Variants in TMEM132D observed in about 807,000 individuals in gnomAD.
TMEM132D encodes the protein mature OL transmembrane protein.
In TMEM132D, 21 loss-of-function variants were observed where a neutral mutation model predicts 62.3. That is an observed-to-expected ratio of 0.34 (90% CI 0.24 to 0.49). TMEM132D has a LOEUF of 0.49. TMEM132D is among the 20% of genes least tolerant of loss of function. TMEM132D has a pLI of 0.99. For missense variants in TMEM132D, 1,346 were observed against 1,402.8 expected (o/e 0.96, Z 0.65); for synonymous variants, 621 against 575.6 (o/e 1.08, Z -1.13).
At chr12:129,272,554 T>C (rs748379304) in intron 4 of TMEM132D, among the ~76,000 whole-genome samples, 13 of 151,844 alleles carry the variant, frequency 8.6e-5, no homozygotes, top group Non-Finnish European at 1.3e-4. Context: ...ATTAAGAGTA[T>C]TTGCATTTTT....
intron 2 of TMEM132D, among the ~76,000 whole-genome samples, chr12:129,670,342 G>T (rs1316381999): frequency 6.6e-6 from 1 of 152,152 alleles, no homozygotes; most frequent in Non-Finnish European, 1.5e-5. Context: ...ATTATGGTTT[G>T]GGAGTTATGC....
chr12:129,319,883 A>G (rs1868625638), intron 4 of TMEM132D, among the ~76,000 whole-genome samples: 1 of 152,228 alleles, frequency 6.6e-6, no homozygotes, highest in South Asian at 2.1e-4. Context: ...AAAATGCTCT[A>G]TCACAGATCC....
chr12:129,175,290 T>C (rs920850377), intron 5 of TMEM132D, among the ~76,000 whole-genome samples: 2 of 152,162 alleles, frequency 1.3e-5, no homozygotes, highest in African/African-American at 4.8e-5. Context: ...TTTCTGTATA[T>C]GGATGCCCCG....
At chr12:129,860,656 G>A (rs1440523637) in intron 1 of TMEM132D, among the ~76,000 whole-genome samples, 5 of 152,084 alleles carry the variant, frequency 3.3e-5, no homozygotes, top group Middle Eastern at 3.4e-3. Context: ...CCATTCTCAC[G>A]CTGCTATAAA....
At chr12:129,585,363 A>T (rs1369220579) in intron 2 of TMEM132D, among the ~76,000 whole-genome samples, 1 of 152,182 alleles carries the variant, frequency 6.6e-6, no homozygotes, top group Non-Finnish European at 1.5e-5. Flanking sequence ...ACTCAAAACC[A>T]CCCATTTGTT....
intron 1 of TMEM132D, among the ~76,000 whole-genome samples, chr12:129,893,021 C>T (rs767769702): frequency 2.6e-5 from 4 of 152,092 alleles, no homozygotes; most frequent in Non-Finnish European, 5.9e-5. Context: ...GCACTACAGG[C>T]ACATGGCACC....
Position 129,695,766 on chromosome 12 carries a change from G to A in TMEM132D, c.968+4044C>T, listed in dbSNP as rs370520305. On this transcript the variant is annotated intron_variant, in intron 2 of 8. Coordinates refer to ENST00000422113, the MANE Select transcript of TMEM132D (RefSeq NM_133448.3). ...GCATGGAGGTCTCTGCAGCTTATGT[G>A]CGGATAACGAGAGGAACTATTGAAG... 5.9e-5 allele frequency among the ~76,000 whole-genome samples: 9 copies of A among 152,330 alleles called. No homozygotes were observed. In the East Asian group the frequency reaches 7.7e-4, roughly 13 times the overall value.
intron 4 of TMEM132D, among the ~76,000 whole-genome samples, chr12:129,263,807 A>G (rs79577115): frequency 0.02 from 3,002 of 152,126 alleles, 105 homozygotes; most frequent in African/African-American, 0.068. Flanking sequence ...ACCTGCAGTC[A>G]GGGTTCTTCA....
At chr12:129,436,672 G>A (rs1230272715) in intron 3 of TMEM132D, among the ~76,000 whole-genome samples, 1 of 152,280 alleles carries the variant, frequency 6.6e-6, no homozygotes, top group Admixed American at 6.5e-5. Context: ...CACATGAACA[G>A]ATCTCCAAAA....
chr12:129,271,594 T>C (rs1179448454), intron 4 of TMEM132D, among the ~76,000 whole-genome samples: 1 of 151,548 alleles, frequency 6.6e-6, no homozygotes, highest in Admixed American at 6.6e-5. Context: ...CGGTGTATGA[T>C]GTTCCCCTCC....
chr12:129,622,986 A>G (rs961721588), intron 2 of TMEM132D, among the ~76,000 whole-genome samples: 10 of 152,174 alleles, frequency 6.6e-5, no homozygotes, highest in African/African-American at 2.4e-4. Context: ...GAGGTAATGT[A>G]AGTTCATCCG....
chr12:129,095,406 G>C (rs911108118), intron 5 of TMEM132D, among the ~76,000 whole-genome samples: 6 of 146,822 alleles, frequency 4.1e-5, no homozygotes, highest in African/African-American at 1.5e-4. Context: ...CTGGAGTGGA[G>C]TGAAGTGGTG....
chr12:129,227,747 A>T (rs1236341589), intron 4 of TMEM132D, among the ~76,000 whole-genome samples: 1 of 151,542 alleles, frequency 6.6e-6, no homozygotes, highest in Admixed American at 6.6e-5. Context: ...ATCCCTCCCC[A>T]CTACCCCCAC....
chr12:129,253,714 G>A (rs564547537), intron 4 of TMEM132D, among the ~76,000 whole-genome samples: 58 of 152,194 alleles, frequency 3.8e-4, no homozygotes, highest in African/African-American at 1.4e-3. Context: ...TGCTATCTGG[G>A]GGCTGCCTTT....
intron 5 of TMEM132D, among the ~76,000 whole-genome samples, chr12:129,094,214 C>T (rs533536176): frequency 6.6e-6 from 1 of 152,144 alleles, no homozygotes; most frequent in Non-Finnish European, 1.5e-5. Flanking sequence ...TTCTGCACAG[C>T]AAAAGAAACT....
intron 4 of TMEM132D, among the ~76,000 whole-genome samples, chr12:129,226,445 C>T (rs1262169035): frequency 6.6e-6 from 1 of 152,208 alleles, no homozygotes; most frequent in East Asian, 1.9e-4. Context: ...ACCATTTGCC[C>T]CTGTCTGCCG....
chr12:129,413,235 G>C (rs1872021744), intron 3 of TMEM132D, among the ~76,000 whole-genome samples: 1 of 152,102 alleles, frequency 6.6e-6, no homozygotes, highest in South Asian at 2.1e-4. Flanking sequence ...GAATCATGGA[G>C]GCAGTTTCCC....
chr12:129,405,543 T>C (rs1054750307), intron 3 of TMEM132D, among the ~76,000 whole-genome samples: 1 of 151,970 alleles, frequency 6.6e-6, no homozygotes, highest in East Asian at 1.9e-4. Flanking sequence ...TGGAGGTGGG[T>C]CGGGAGGTCC....
chr12:129,114,583 T>A (rs554421531), intron 5 of TMEM132D, among the ~76,000 whole-genome samples: 1 of 152,190 alleles, frequency 6.6e-6, no homozygotes, highest in Non-Finnish European at 1.5e-5. Flanking sequence ...CAATGACATT[T>A]CATGAAGCAA....
Sources: gnomAD v4.1 joint callset for allele counts (sites outside exome capture counted in the v4.1 genomes callset) on GRCh38, gnomAD v4.1.1 for gene constraint, MANE v1.5 for transcripts, NCBI Gene and HGNC (gene_info 2026-07-23, HGNC 2026-07-21) for gene names.